RBFOX1: variants seen among roughly 807,000 people sequenced by gnomAD.
The protein encoded by RBFOX1 is RNA binding protein fox-1 homolog 1.
RBFOX1 carries 8 observed loss-of-function variants against 57.7 expected under a neutral mutation model. The observed-to-expected ratio is 0.14, with a 90% CI of 0.08 to 0.25. The LOEUF (loss-of-function observed/expected upper bound fraction) is 0.25. Ranked by LOEUF, RBFOX1 falls within the 10% of genes least tolerant of loss-of-function variation. RBFOX1 has a pLI of 1.00. For missense variants in RBFOX1, 611 were observed against 548.5 expected, an observed-to-expected ratio of 1.11 and a Z score of -1.14; for synonymous variants, 326 against 222.4, an observed-to-expected ratio of 1.47 and a Z score of -4.15.
At chr16:7,225,072 C>T (rs575632620) in intron 4 of RBFOX1, among the ~76,000 whole-genome samples, 1 of 152,292 alleles carries the variant, frequency 6.6e-6, no homozygotes, top group African/African-American at 2.4e-5. Flanking sequence ...GTTTAAAACA[C>T]TAAGTGTAGT....
intron 1 of RBFOX1, among the ~76,000 whole-genome samples, chr16:6,246,807 G>A (rs760912927): frequency 9.9e-5 from 15 of 152,136 alleles, no homozygotes; most frequent in Non-Finnish European, 1.8e-4. Flanking sequence ...TGTGGCTCAC[G>A]CCTATAATCC....
intron 14 of RBFOX1, among the ~76,000 whole-genome samples, chr16:7,688,537 A>G (rs1015850212): frequency 1.3e-5 from 2 of 152,086 alleles, no homozygotes; most frequent in South Asian, 2.1e-4. Context: ...CAGGCTGGCT[A>G]CTGTTTTAAT....
At chr16:7,451,921 G>A (rs545552973) in intron 4 of RBFOX1, among the ~76,000 whole-genome samples, 6 of 152,226 alleles carry the variant, frequency 3.9e-5, no homozygotes, top group African/African-American at 1.4e-4. Context: ...GCAACGATTT[G>A]TACCATCTGG....
chr16:6,650,280 A>C (rs1454055625), intron 2 of RBFOX1, among the ~76,000 whole-genome samples: 1 of 133,738 alleles, frequency 7.5e-6, no homozygotes, highest in Non-Finnish European at 1.7e-5. Context: ...TTTTATTTTT[A>C]TTTATTTTTT....
intron 3 of RBFOX1, among the ~76,000 whole-genome samples, chr16:6,905,218 C>A (rs931716834): frequency 2.6e-5 from 4 of 151,720 alleles, no homozygotes; most frequent in African/African-American, 9.7e-5. Flanking sequence ...TTAGCCCTTT[C>A]TTCCTAGCTA....
intron 14 of RBFOX1, among the ~76,000 whole-genome samples, chr16:7,689,450 A>C (rs558616435): frequency 3.0e-4 from 46 of 152,116 alleles, no homozygotes; most frequent in Non-Finnish European, 6.2e-4. Flanking sequence ...TCTGCTACCT[A>C]CAGAACAGTG....
chr16:6,403,303 G>C (rs1168366695), intron 2 of RBFOX1, among the ~76,000 whole-genome samples: 2 of 152,158 alleles, frequency 1.3e-5, no homozygotes, highest in African/African-American at 4.8e-5. Context: ...CTGCCACTCA[G>C]GTGTTAAGAA....
At chr16:6,206,759 G>T (rs1452217904) in intron 1 of RBFOX1, among the ~76,000 whole-genome samples, 1 of 152,148 alleles carries the variant, frequency 6.6e-6, no homozygotes, top group African/African-American at 2.4e-5. Context: ...ATTAATACCA[G>T]AAGGTGCAGC....
intron 4 of RBFOX1, among the ~76,000 whole-genome samples, chr16:7,275,437 G>C (rs963931369): frequency 1.3e-5 from 2 of 152,116 alleles, no homozygotes; most frequent in African/African-American, 4.8e-5. Context: ...TGATTCTCCA[G>C]ACATTAACAT....
intron 1 of RBFOX1, among the ~76,000 whole-genome samples, chr16:5,355,831 A>G (rs554230033): frequency 2.0e-5 from 3 of 152,298 alleles, no homozygotes; most frequent in South Asian, 4.2e-4. Context: ...TGCCTTATGC[A>G]TGTAATCCCA....
chr16:6,732,053 G>T (rs1439331826), intron 3 of RBFOX1, among the ~76,000 whole-genome samples: 3 of 152,092 alleles, frequency 2.0e-5, no homozygotes, highest in Admixed American at 1.3e-4. Context: ...CTTAAGCTAT[G>T]GCTTGAGATC....
At chr16:6,894,119 T>G (rs1287006242) in intron 3 of RBFOX1, among the ~76,000 whole-genome samples, 1 of 152,182 alleles carries the variant, frequency 6.6e-6, no homozygotes, top group African/African-American at 2.4e-5. Flanking sequence ...CAAACATACA[T>G]AGATTATGGA....
At chr16:6,820,774 T>G (rs1346157789) in intron 3 of RBFOX1, among the ~76,000 whole-genome samples, 1 of 152,190 alleles carries the variant, frequency 6.6e-6, no homozygotes, top group Non-Finnish European at 1.5e-5. Context: ...AGTCAGAGAC[T>G]TATTACTGCA....
At chr16:5,714,728 T>C (rs2051623654) in intron 3 of RBFOX1, among the ~76,000 whole-genome samples, 1 of 152,190 alleles carries the variant, frequency 6.6e-6, no homozygotes, top group Non-Finnish European at 1.5e-5. Context: ...ATAGGAAGGA[T>C]TGTAATACTG....
chr16:7,398,507 G>C (rs544237404), intron 4 of RBFOX1, among the ~76,000 whole-genome samples: 1 of 152,310 alleles, frequency 6.6e-6, no homozygotes, highest in Non-Finnish European at 1.5e-5. Context: ...ATTATCTGGA[G>C]AACCCAGAAA....
chr16:7,483,065 T>A (rs1370688915), intron 4 of RBFOX1, among the ~76,000 whole-genome samples: 1 of 152,146 alleles, frequency 6.6e-6, no homozygotes, highest in African/African-American at 2.4e-5. Flanking sequence ...GAAGCCACCC[T>A]CGTCACTAAA....
chr16:5,483,208 T>C (rs1254823209), intron 2 of RBFOX1, among the ~76,000 whole-genome samples: 1 of 152,186 alleles, frequency 6.6e-6, no homozygotes, highest in Non-Finnish European at 1.5e-5. Context: ...ATTTCCACAA[T>C]GGGATAGAGC....
intron 11 of RBFOX1, among the ~76,000 whole-genome samples, chr16:7,646,297 C>T (rs1455546450): frequency 6.6e-6 from 1 of 152,216 alleles, no homozygotes; most frequent in African/African-American, 2.4e-5. Flanking sequence ...AGTATGTTAC[C>T]TATTATGCCA....
At chr16:6,743,486 A>T (rs2072799509) in intron 3 of RBFOX1, among the ~76,000 whole-genome samples, 1 of 152,226 alleles carries the variant, frequency 6.6e-6, no homozygotes, top group African/African-American at 2.4e-5. Flanking sequence ...GCACACCTGT[A>T]GTCCCAGCAC....
Sources: gnomAD v4.1 joint callset for allele counts (sites outside exome capture counted in the v4.1 genomes callset) on GRCh38, gnomAD v4.1.1 for gene constraint, MANE v1.5 for transcripts, NCBI Gene and HGNC (gene_info 2026-07-23, HGNC 2026-07-21) for gene names.